The following C12orf42 variants were observed in gnomAD, a reference collection of about 807,000 sequenced individuals.
C12orf42 encodes uncharacterized protein C12orf42.
C12orf42 carries 25 observed loss-of-function variants against 21.6 expected under a neutral mutation model. That is an observed-to-expected ratio of 1.16 (90% confidence interval 0.84 to 1.62). C12orf42 has a LOEUF of 1.62. Ranked by LOEUF, C12orf42 falls within the 40% of genes most tolerant of loss-of-function variation. The pLI, the probability that C12orf42 is intolerant of heterozygous loss-of-function variation, is 0.00. For synonymous variants in C12orf42, 174 were observed against 175.0 expected (o/e 0.99, Z 0.05); for missense variants, 483 against 459.3 (o/e 1.05, Z -0.47).
the C12orf42 span, among the ~76,000 whole-genome samples, chr12:103,544,776 C>G: frequency 6.6e-6 from 1 of 152,246 alleles, no homozygotes; most frequent in East Asian, 1.9e-4. Context: ...TATGTCTAAT[C>G]CACTGTTAAA....
the C12orf42 span, among the ~76,000 whole-genome samples, chr12:103,065,432 G>A: frequency 6.6e-6 from 1 of 152,186 alleles, no homozygotes; most frequent in Non-Finnish European, 1.5e-5. Context: ...CAGCTGGCAA[G>A]ACCAGCAATA....
At chr12:103,427,893 T>TTTACTGGGTAAATAACGA (rs1188204125) in intron 2 of C12orf42, among the ~76,000 whole-genome samples, 6 of 152,100 alleles carry the variant, frequency 3.9e-5, no homozygotes, top group Non-Finnish European at 8.8e-5. Flanking sequence ...ATAACGAAAT[T>TTTACTGGGTAAATAACGA]AAGGCAGAAG....
At chr12:103,240,158 A>G (rs2033664693) in intron 10 of C12orf42, among the ~76,000 whole-genome samples, 2 of 152,180 alleles carry the variant, frequency 1.3e-5, no homozygotes, top group Non-Finnish European at 2.9e-5. Context: ...ACCATGTGCT[A>G]GGCACTAAGA....
At chr12:103,379,392 T>C (rs1305947200) in intron 3 of C12orf42, among the ~76,000 whole-genome samples, 1 of 152,068 alleles carries the variant, frequency 6.6e-6, no homozygotes, top group Non-Finnish European at 1.5e-5. Context: ...TGAAGATGCA[T>C]ATGGATACAA....
At chr12:103,453,356 A>T (rs1592880394) in intron 2 of C12orf42, among the ~76,000 whole-genome samples, 1 of 151,860 alleles carries the variant, frequency 6.6e-6, no homozygotes, top group Non-Finnish European at 1.5e-5. Context: ...TAAAGTTTTA[A>T]TACATCTTTG....
the C12orf42 span, among the ~76,000 whole-genome samples, chr12:103,516,630 C>T: frequency 6.6e-6 from 1 of 152,132 alleles, no homozygotes; most frequent in Non-Finnish European, 1.5e-5. Context: ...CATGAGAGCT[C>T]ACTCACTATC....
intron 4 of C12orf42, among the ~76,000 whole-genome samples, chr12:103,345,909 T>G (rs139698438): frequency 4.6e-5 from 7 of 152,318 alleles, no homozygotes; most frequent in Admixed American, 4.6e-4. Flanking sequence ...ATAATAACTA[T>G]GTACATGGGG....
chr12:103,307,508 G>GA, intron 4 of C12orf42, among the ~76,000 whole-genome samples: 1 of 151,958 alleles, frequency 6.6e-6, no homozygotes, highest in Non-Finnish European at 1.5e-5. Context: ...AAGTAAACAG[G>GA]AAAAAAAGTC....
chr12:103,318,985 T>G (rs1323256269), intron 4 of C12orf42, among the ~76,000 whole-genome samples: 1 of 152,236 alleles, frequency 6.6e-6, no homozygotes, highest in Non-Finnish European at 1.5e-5. Flanking sequence ...CACAAAAGGC[T>G]TGTGCTACCT....
chr12:103,486,397 G>A (rs905943271), intron 1 of C12orf42, among the ~76,000 whole-genome samples: 3 of 152,004 alleles, frequency 2.0e-5, no homozygotes, highest in Admixed American at 6.6e-5. Flanking sequence ...GAGGATTTTT[G>A]CATCAATGTC....
the C12orf42 span, among the ~76,000 whole-genome samples, chr12:103,115,578 G>A: frequency 3.2e-4 from 48 of 152,268 alleles, no homozygotes; most frequent in Non-Finnish European, 3.8e-4. Flanking sequence ...GCAGAATCTC[G>A]TTACCCACTT....
At chr12:103,387,855 A>T (rs1214203636) in intron 3 of C12orf42, among the ~76,000 whole-genome samples, 1 of 152,204 alleles carries the variant, frequency 6.6e-6, no homozygotes, top group Non-Finnish European at 1.5e-5. Context: ...CAAAGTCCTG[A>T]GACGTCCCTC....
chr12:103,196,671 A>G, the C12orf42 span, among the ~76,000 whole-genome samples: 1 of 151,974 alleles, frequency 6.6e-6, no homozygotes, highest in Admixed American at 6.6e-5. Flanking sequence ...TTATTACGCA[A>G]TACCCTTATT....
chr12:103,482,595 T>G (rs1189624322), intron 1 of C12orf42, among the ~76,000 whole-genome samples: 1 of 152,154 alleles, frequency 6.6e-6, no homozygotes, highest in Non-Finnish European at 1.5e-5. Flanking sequence ...TTGTTTTTTA[T>G]GCGTACTGTC....
At chr12:103,403,075 T>C (rs1032567260) in intron 2 of C12orf42, among the ~76,000 whole-genome samples, 26 of 152,106 alleles carry the variant, frequency 1.7e-4, no homozygotes, top group Non-Finnish European at 3.5e-4. Flanking sequence ...ATCCAATCAA[T>C]GCACTTAAAG....
intron 3 of C12orf42, among the ~76,000 whole-genome samples, chr12:103,379,422 T>C (rs2045977308): frequency 6.6e-6 from 1 of 152,118 alleles, no homozygotes; most frequent in Admixed American, 6.6e-5. Flanking sequence ...ATCACACGCT[T>C]CTAACTATGT....
chr12:103,530,632 G>T, the C12orf42 span, among the ~76,000 whole-genome samples: 1 of 152,084 alleles, frequency 6.6e-6, no homozygotes, highest in Admixed American at 6.5e-5. Context: ...TGTTCGGGGG[G>T]GGAAAACCCA....
the C12orf42 span, among the ~76,000 whole-genome samples, chr12:103,133,776 G>A: frequency 6.6e-6 from 1 of 152,174 alleles, no homozygotes; most frequent in African/African-American, 2.4e-5. Context: ...GCTGTGGGAG[G>A]TAATTGAATC....
At chr12:103,124,804 G>C in the C12orf42 span, among the ~76,000 whole-genome samples, 1 of 152,016 alleles carries the variant, frequency 6.6e-6, no homozygotes, top group African/African-American at 2.4e-5. Context: ...ACTATTTTGG[G>C]CAATACAGTA....
Sources: gnomAD v4.1 joint callset for allele counts (sites outside exome capture counted in the v4.1 genomes callset) on GRCh38, gnomAD v4.1.1 for gene constraint, MANE v1.5 for transcripts, NCBI Gene and HGNC (gene_info 2026-07-23, HGNC 2026-07-21) for gene names.